The following PTPRD variants were observed in gnomAD, a reference collection of about 807,000 sequenced individuals.
PTPRD encodes receptor-type tyrosine-protein phosphatase delta.
PTPRD carries 34 observed loss-of-function variants against 214.5 expected under a neutral mutation model. The observed-to-expected ratio is 0.16, with a 90% CI of 0.12 to 0.21. The LOEUF is 0.21. Ranked by LOEUF, PTPRD falls within the 10% of genes least tolerant of loss-of-function variation. PTPRD has a pLI of 1.00. For missense variants in PTPRD, 2,545 were observed against 2,398.7 expected, an observed-to-expected ratio of 1.06 and a Z score of -1.27; for synonymous variants, 1,128 against 845.7, an observed-to-expected ratio of 1.33 and a Z score of -5.79.
At chr9:8,865,963 G>T (rs765976967) in intron 11 of PTPRD, among the ~76,000 whole-genome samples, 15 of 152,150 alleles carry the variant, frequency 9.9e-5, no homozygotes, top group Non-Finnish European at 2.1e-4. Context: ...GAAGTCAAAA[G>T]AATTTGATCA....
chr9:10,529,064 T>G (rs1156608937), intron 2 of PTPRD, among the ~76,000 whole-genome samples: 1 of 152,144 alleles, frequency 6.6e-6, no homozygotes. Context: ...TGCTATAAAA[T>G]AATTCATTTT....
intron 11 of PTPRD, among the ~76,000 whole-genome samples, chr9:8,795,185 A>G (rs2096373990): frequency 6.6e-6 from 1 of 151,972 alleles, no homozygotes; most frequent in African/African-American, 2.4e-5. Context: ...ATTTTTTTTG[A>G]GATGAGTCTC....
chr9:10,364,003 T>TTTG (rs2097456137), intron 2 of PTPRD, among the ~76,000 whole-genome samples: 1 of 81,766 alleles, frequency 1.2e-5, no homozygotes, highest in African/African-American at 3.4e-5. Flanking sequence ...TTTTTTTTTT[T>TTTG]TTTTTTTTTT....
chr9:9,846,208 C>T (rs372218014), intron 5 of PTPRD, among the ~76,000 whole-genome samples: 1 of 152,178 alleles, frequency 6.6e-6, no homozygotes, highest in African/African-American at 2.4e-5. Flanking sequence ...CAAATCACCC[C>T]TAGATTGTAG....
chr9:8,494,740 G>A (rs928233326), intron 26 of PTPRD, among the ~76,000 whole-genome samples: 4 of 152,140 alleles, frequency 2.6e-5, no homozygotes, highest in Middle Eastern at 3.2e-3. Flanking sequence ...CAGACATAAC[G>A]CAATTTGAAA....
chr9:9,679,772 A>T (rs1205449836), intron 7 of PTPRD, among the ~76,000 whole-genome samples: 1 of 151,936 alleles, frequency 6.6e-6, no homozygotes, highest in Non-Finnish European at 1.5e-5. Flanking sequence ...TTGCCAATGC[A>T]ATTGCATTTC....
chr9:9,731,944 T>G (rs2098202043), intron 7 of PTPRD, among the ~76,000 whole-genome samples: 1 of 150,976 alleles, frequency 6.6e-6, no homozygotes. Context: ...GTAGAAAACA[T>G]GCACACAACA....
intron 3 of PTPRD, among the ~76,000 whole-genome samples, chr9:10,307,816 G>C (rs573020170): frequency 7.1e-4 from 108 of 151,812 alleles, no homozygotes; most frequent in African/African-American, 2.5e-3. Context: ...TTTAATGTTT[G>C]GTGATGCTAA....
In PTPRD at chr9:9,517,323, G is replaced by A. The variant is rs570202758; in HGVS notation, c.-237+57409C>T. On this transcript the variant is annotated intron_variant, in intron 8 of 45. Coordinates refer to ENST00000381196, the MANE Select transcript of PTPRD (RefSeq NM_002839.4). ...GGGGTAGGGAGACGCCCTGGAAATA[G>A]TGATGACTAATTTGAAATTTTAGTA... is the stretch of plus-strand genomic sequence containing the variant. 5.3e-4 allele frequency among the ~76,000 whole-genome samples: 80 copies of A among 152,178 alleles called. 1 individual carries two copies. The highest frequency in any genetic ancestry group is 9.2e-4 in the Admixed American group (14 of 15,238).
chr9:10,233,177 T>G (rs747366912), intron 3 of PTPRD, among the ~76,000 whole-genome samples: 22 of 152,162 alleles, frequency 1.4e-4, no homozygotes, highest in Middle Eastern at 3.4e-3. Context: ...TGCATTCATT[T>G]GCATATCAAT....
At chr9:8,746,390 C>T (rs2092812419) in intron 11 of PTPRD, among the ~76,000 whole-genome samples, 1 of 152,128 alleles carries the variant, frequency 6.6e-6, no homozygotes, top group African/African-American at 2.4e-5. Context: ...TATGCATTTC[C>T]CATACCAAGA....
chr9:8,943,242 C>T (rs1439600227), intron 11 of PTPRD, among the ~76,000 whole-genome samples: 1 of 152,010 alleles, frequency 6.6e-6, no homozygotes, highest in Non-Finnish European at 1.5e-5. Flanking sequence ...TATCAAAATA[C>T]CAATTATATT....
At chr9:9,778,732 C>G (rs1431369987) in intron 5 of PTPRD, among the ~76,000 whole-genome samples, 1 of 152,064 alleles carries the variant, frequency 6.6e-6, no homozygotes, top group Non-Finnish European at 1.5e-5. Flanking sequence ...ACATCAGATC[C>G]CCAAATACAG....
chr9:10,326,314 T>C (rs2096642433), intron 3 of PTPRD, among the ~76,000 whole-genome samples: 4 of 151,806 alleles, frequency 2.6e-5, no homozygotes. Flanking sequence ...AATCTGACTA[T>C]ACACAGAAGG....
intron 9 of PTPRD, among the ~76,000 whole-genome samples, chr9:9,355,219 C>T (rs746211358): frequency 2.0e-5 from 3 of 151,360 alleles, no homozygotes; most frequent in Non-Finnish European, 4.4e-5. Flanking sequence ...TTTTATATAC[C>T]AATTATACCT....
At chr9:9,659,515 C>T (rs563861701) in intron 7 of PTPRD, among the ~76,000 whole-genome samples, 1 of 152,076 alleles carries the variant, frequency 6.6e-6, no homozygotes, top group Non-Finnish European at 1.5e-5. Context: ...GGACATAGGA[C>T]TCAGGTGTTA....
intron 2 of PTPRD, among the ~76,000 whole-genome samples, chr9:10,435,444 G>T (rs2098710990): frequency 6.6e-6 from 1 of 151,838 alleles, no homozygotes; most frequent in Non-Finnish European, 1.5e-5. Context: ...GAAGTGATTT[G>T]CTCATGGTCT....
At chr9:9,090,931 A>C (rs1591452464) in intron 10 of PTPRD, 23 of 1,548,320 alleles carry the variant, frequency 1.5e-5, no homozygotes, top group Non-Finnish European at 1.9e-5. Context: ...TGGTCGTGCC[A>C]AAAAGGGCTG....
intron 34 of PTPRD, among the ~76,000 whole-genome samples, chr9:8,442,429 G>GAGTTTTTGAATCAT (rs2095578643): frequency 6.6e-6 from 1 of 152,054 alleles, no homozygotes; most frequent in South Asian, 2.1e-4. Flanking sequence ...TAATAACGGT[G>GAGTTTTTGAATCAT]GTACATCTTT....
Sources: gnomAD v4.1 joint callset for allele counts (sites outside exome capture counted in the v4.1 genomes callset) on GRCh38, gnomAD v4.1.1 for gene constraint, MANE v1.5 for transcripts, NCBI Gene and HGNC (gene_info 2026-07-23, HGNC 2026-07-21) for gene names.